Variants in ARID1B observed in about 807,000 individuals in gnomAD.
ARID1B encodes AT-rich interactive domain-containing protein 1B.
ARID1B carries 30 observed loss-of-function variants against 212.3 expected under a neutral mutation model. The ratio of observed to expected loss-of-function variants is 0.14; its 90% CI spans 0.11 to 0.19. ARID1B has a LOEUF of 0.19. ARID1B is among the 10% of genes least tolerant of loss of function. The probability of loss-of-function intolerance (pLI) is 1.00; values close to 1 mark genes in which losing one functional copy is unlikely to be tolerated. For missense variants in ARID1B, 2,891 were observed against 3,204.0 expected (o/e 0.90, Z 2.36); for synonymous variants, 1,402 against 1,301.7 (o/e 1.08, Z -1.66).
At chr6:157,146,307 G>C (rs2128624235) in intron 7 of ARID1B, among the ~76,000 whole-genome samples, 1 of 152,308 alleles carries the variant, frequency 6.6e-6, no homozygotes, top group East Asian at 1.9e-4. Context: ...ACAGTGTTAG[G>C]ATTATCTGTT....
intron 6 of ARID1B, among the ~76,000 whole-genome samples, chr6:157,124,505 G>A (rs765127244): frequency 2.0e-5 from 3 of 152,230 alleles, no homozygotes; most frequent in Non-Finnish European, 4.4e-5. Context: ...GAGTCATACA[G>A]AACAGGTGCA....
chr6:157,150,589 C>T (rs76871818), intron 8 of ARID1B: 6,694 of 167,724 alleles, frequency 0.04, 256 homozygotes, highest in African/African-American at 0.09. Context: ...CCTCAGGCAG[C>T]GGCAGGATGC....
chr6:157,037,310 C>T (rs1444138237), intron 4 of ARID1B, among the ~76,000 whole-genome samples: 1 of 152,178 alleles, frequency 6.6e-6, no homozygotes, highest in Non-Finnish European at 1.5e-5. Flanking sequence ...GGATTGAAAA[C>T]CCAGCTCCTT....
At chr6:157,061,263 A>C (rs534909685) in intron 4 of ARID1B, among the ~76,000 whole-genome samples, 1 of 152,248 alleles carries the variant, frequency 6.6e-6, no homozygotes. Context: ...AGCTGTTTGC[A>C]TAATGGCAAT....
At chr6:156,873,596 A>G (rs147322934) in intron 2 of ARID1B, among the ~76,000 whole-genome samples, 10 of 152,354 alleles carry the variant, frequency 6.6e-5, no homozygotes, top group African/African-American at 1.7e-4. Flanking sequence ...TTGTGTTTCT[A>G]TGGTTGGCTG....
chr6:157,207,606 C>T lies in ARID1B; in HGVS notation c.6834C>T (p.Ser2278=), dbSNP rs1794564510. The part of the protein sequence containing the change: ...AARAIAVQKG[S]IGNLISFLED... ...GGGCCATAGCTGTGCAGAAAGGAAG[C>T]ATTGGAAACTTGATAAGCTTCCTAG... Residue 2278 remains serine (S), a synonymous_variant, in exon 20 of 20, where the codon AGC becomes AGT. Coordinates refer to ENST00000636930, the MANE Select transcript of ARID1B (RefSeq NM_001374828.1). The surrounding 1 kb of genome is among the most constrained non-coding windows in gnomAD (Gnocchi z 8.5). 6.2e-7 allele frequency: 1 copy of T among 1,614,026 alleles called. No homozygotes were observed. The highest frequency in any genetic ancestry group is 1.3e-5 in the African/African-American group (1 of 74,886).
At chr6:157,185,211 A>G (rs1375732804) in intron 13 of ARID1B, 1 of 152,348 alleles carries the variant, frequency 6.6e-6, no homozygotes, top group African/African-American at 2.4e-5. Context: ...TGACAAAATC[A>G]TATATTCTGA....
intron 3 of ARID1B, among the ~76,000 whole-genome samples, chr6:156,903,462 T>C (rs1368214848): frequency 1.3e-5 from 2 of 152,320 alleles, no homozygotes; most frequent in East Asian, 3.9e-4. Context: ...GTCTGAGTTA[T>C]ATTCATTGTG....
chr6:156,853,364 G>T (rs1784705040), intron 2 of ARID1B, among the ~76,000 whole-genome samples: 1 of 152,188 alleles, frequency 6.6e-6, no homozygotes, highest in South Asian at 2.1e-4. Flanking sequence ...CCCACCGCGG[G>T]CATGAAAATG....
chr6:156,856,577 T>C (rs935529685), intron 2 of ARID1B, among the ~76,000 whole-genome samples: 3 of 152,278 alleles, frequency 2.0e-5, no homozygotes, highest in Admixed American at 6.5e-5. Flanking sequence ...CATCAAGCAC[T>C]GTGTCTTATT....
chr6:156,973,933 C>T lies in ARID1B; in HGVS notation c.2247+38357C>T, dbSNP rs1306682454. Among the ~76,000 whole-genome samples, 6 of 152,174 alleles carry T rather than the reference C, an allele frequency of 3.9e-5. 1 individual carries two copies. Among genetic ancestry groups the T allele is most frequent in the African/African-American group, 1.4e-4 (6 of 41,446 alleles). On this transcript the variant is annotated intron_variant, in intron 4 of 19. Transcript: ENST00000636930. Reference sequence around the variant, plus strand: ...ACCTGAATAGAAGTTCTCTCTTTGTCTGAAAACTTTTTCCTTGTGGAATGG... The same window carrying T: ...ACCTGAATAGAAGTTCTCTCTTTGTTTGAAAACTTTTTCCTTGTGGAATGG...
rs1274002813 is a variant in ARID1B, at chr6:157,200,113, G to A, written c.4480-592G>A. ...ATCCTGGGAAGCAAGCTTAATAACA[G>A]GTGTGGTCCCAGCCCTGTCCTCAGT... On this transcript the variant is annotated intron_variant, in intron 17 of 19. Coordinates refer to ENST00000636930, the MANE Select transcript of ARID1B (RefSeq NM_001374828.1). This position sits in a 1 kb window ranked among gnomAD's most constrained non-coding sequence, Gnocchi z 4.3. Among the ~76,000 whole-genome samples, 1 of 152,146 alleles carries A rather than the reference G, an allele frequency of 6.6e-6. No individual in the cohort carries two copies. The highest frequency in any genetic ancestry group is 2.4e-5 in the African/African-American group (1 of 41,426).
At chr6:157,074,664 C>T (rs1288703928) in intron 4 of ARID1B, among the ~76,000 whole-genome samples, 4 of 152,192 alleles carry the variant, frequency 2.6e-5, no homozygotes, top group Admixed American at 6.5e-5. Flanking sequence ...AAAGGTATTA[C>T]AGTGCAAAGG....
At chr6:156,926,940 A>G (rs1791267888) in intron 3 of ARID1B, among the ~76,000 whole-genome samples, 1 of 152,156 alleles carries the variant, frequency 6.6e-6, no homozygotes, top group Non-Finnish European at 1.5e-5. Flanking sequence ...TTGGCCTCTC[A>G]AAGCACTGAG....
At chr6:156,824,109 G>C (rs1454030743) in intron 1 of ARID1B, among the ~76,000 whole-genome samples, 5 of 152,090 alleles carry the variant, frequency 3.3e-5, no homozygotes, top group Admixed American at 3.3e-4. Flanking sequence ...CTTCCTTAGA[G>C]AGAGAGAGAA....
At chr6:157,153,591 C>T (rs1424594632) in intron 8 of ARID1B, among the ~76,000 whole-genome samples, 1 of 152,148 alleles carries the variant, frequency 6.6e-6, no homozygotes, top group Non-Finnish European at 1.5e-5. Flanking sequence ...GGATTCTGAG[C>T]CATTACCTGA....
intron 1 of ARID1B, among the ~76,000 whole-genome samples, chr6:156,813,394 C>T (rs1485915929): frequency 6.6e-6 from 1 of 151,550 alleles, no homozygotes; most frequent in South Asian, 2.1e-4. Context: ...ATTACAGGCG[C>T]GAGCCATTGC....
intron 2 of ARID1B, among the ~76,000 whole-genome samples, chr6:156,837,581 AT>A (rs1314011506): frequency 1.3e-5 from 2 of 152,212 alleles, no homozygotes; most frequent in African/African-American, 4.8e-5. Flanking sequence ...ATGGCAAAAA[AT>A]TCTTTATGGC....
chr6:157,086,043 A>T (rs1583282382), intron 5 of ARID1B, among the ~76,000 whole-genome samples: 2 of 152,216 alleles, frequency 1.3e-5, no homozygotes, highest in Non-Finnish European at 2.9e-5. Context: ...ATGGAAATGT[A>T]TTATATTTGG....
Sources: allele counts gnomAD v4.1 joint callset (sites outside exome capture counted in the v4.1 genomes callset), GRCh38; gene constraint gnomAD v4.1.1; non-coding constraint Gnocchi (gnomAD v3.1); transcripts MANE v1.5; gene names NCBI Gene and HGNC (gene_info 2026-07-23, HGNC 2026-07-21).